Variants in PLCD3 observed in about 807,000 individuals in gnomAD.
The protein encoded by PLCD3 is 1-phosphatidylinositol 4,5-bisphosphate phosphodiesterase delta-3.
In PLCD3, 62 loss-of-function variants were observed where a neutral mutation model predicts 82.8. That is an observed-to-expected ratio of 0.75 (90% confidence interval 0.61 to 0.93). The LOEUF (loss-of-function observed/expected upper bound fraction) is 0.93, where lower values mean the gene tolerates loss of function less well. Among genes scored for constraint, PLCD3 ranks in the 40% least tolerant of loss-of-function variants. PLCD3 has a pLI of 0.00. For synonymous variants in PLCD3, 478 were observed against 471.8 expected, an observed-to-expected ratio of 1.01 and a Z score of -0.17; for missense variants, 1,023 against 1,103.4, an observed-to-expected ratio of 0.93 and a Z score of 1.03.
At chr17:45,130,293 G>T (rs2054409836) in intron 1 of PLCD3, among the ~76,000 whole-genome samples, 1 of 152,100 alleles carries the variant, frequency 6.6e-6, no homozygotes, top group African/African-American at 2.4e-5. Flanking sequence ...CCGAGGCCCG[G>T]GCTCAGCTGT....
At chr17:45,126,580 G>A (rs899755016) in intron 1 of PLCD3, among the ~76,000 whole-genome samples, 1 of 151,928 alleles carries the variant, frequency 6.6e-6, no homozygotes, top group Non-Finnish European at 1.5e-5. Flanking sequence ...TAGGATTACA[G>A]GCGTGAGCCA....
In PLCD3 at chr17:45,121,593, C is replaced by G. The variant is rs190208956; in HGVS notation, c.164-221G>C. Among the ~76,000 whole-genome samples the G allele has an allele frequency of 2.6e-4, 39 of 152,326 alleles. No individual in the cohort carries two copies. The East Asian group carries it at 7.5e-3, about 29-fold the overall frequency. On this transcript the variant is annotated intron_variant, in intron 1 of 14. Transcript: ENST00000619929. ...AGGCTTTGGAGCCCTAAACGCCCCC[C>G]AACCCGTACCCCATCTCCCTCCTTC...
intron 8 of PLCD3, 69 bp downstream of exon 8, chr17:45,116,563 C>T (rs937773204): frequency 4.2e-6 from 6 of 1,443,200 alleles, no homozygotes; most frequent in Admixed American, 2.5e-5. Context: ...AGAGGTGGCA[C>T]GAGCAGTGCG....
intron 8 of PLCD3, among the ~76,000 whole-genome samples, chr17:45,115,782 T>C (rs1267737426): frequency 6.6e-6 from 1 of 152,244 alleles, no homozygotes; most frequent in Non-Finnish European, 1.5e-5. Context: ...AAGAAGATCT[T>C]ACGTGGAAGA....
chr17:45,113,212 G>A lies in PLCD3; in HGVS notation c.2041C>T (p.His681Tyr), dbSNP rs2054262683. Residue 681 changes from histidine to tyrosine, a missense_variant, in exon 13 of 15, where the codon CAC becomes TAC. Physicochemically the swap from His to Tyr is moderately conservative, Grantham distance 83. Coordinates refer to ENST00000619929, the MANE Select transcript of PLCD3 (RefSeq NM_133373.5). ...QLPKLNAEKP[H>Y]SIVDPLVRIE... ...CGCACCAGGGGGTCCACAATGGAGT[G>A]TGGCTTCTCGGCATTCAGCTTGGGC... is the stretch of plus-strand genomic sequence containing the variant. The A allele has an allele frequency of 1.9e-6, 3 of 1,610,738 alleles. No homozygotes were observed. The East Asian group carries it at 6.7e-5, about 36-fold the overall frequency.
chr17:45,126,496 T>C (rs954982967), intron 1 of PLCD3, among the ~76,000 whole-genome samples: 1 of 150,518 alleles, frequency 6.6e-6, no homozygotes, highest in Non-Finnish European at 1.5e-5. Flanking sequence ...AGAGATGGGG[T>C]TTCACCATGT....
chr17:45,131,077 G>A (rs938726842), intron 1 of PLCD3, among the ~76,000 whole-genome samples: 1 of 152,256 alleles, frequency 6.6e-6, no homozygotes, highest in African/African-American at 2.4e-5. Flanking sequence ...CCGCATAAGT[G>A]CTTGTCCAAT....
In PLCD3 at chr17:45,115,348, C is replaced by T. The variant is rs377736692; in HGVS notation, c.1556G>A (p.Arg519Gln). 13 of 1,547,888 alleles carry T rather than the reference C, an allele frequency of 8.4e-6. No homozygotes were observed. The highest frequency in any genetic ancestry group is 1.0e-5 in the Non-Finnish European group (12 of 1,145,910). ...EEEVEAAAQR[R>Q]LAKQISPELS... Reference sequence around the variant, plus strand: ...CCCACCCATCCCAGCTCTCACCAGCCGCCTCTGCGCTGCAGCCTCCACCTC... The same window carrying T: ...CCCACCCATCCCAGCTCTCACCAGCTGCCTCTGCGCTGCAGCCTCCACCTC... The change falls in exon 9 of 15, where the codon CGG (arginine) becomes CAG (glutamine). Residue 519 changes from arginine (R) to glutamine (Q), a missense_variant. This residue lies in a region of PLCD3 where 553 missense variants were observed against 655.7 expected (regional missense o/e 0.84). Transcript: ENST00000619929.
At position 45,132,108 on chromosome 17, in the gene PLCD3, G is replaced by A; in HGVS notation, c.163+140C>T. ...CCCCAGGTGCGACCCCCAGCTGGAG[G>A]GAGCTGGCCCTCCGCCCCTAGCCAT... On this transcript the variant is annotated intron_variant, in intron 1 of 14. Coordinates refer to ENST00000619929, the MANE Select transcript of PLCD3 (RefSeq NM_133373.5). This position sits in a 1 kb window ranked among gnomAD's most constrained non-coding sequence, Gnocchi z 4.6. The A allele has an allele frequency of 1.1e-6, 1 of 949,976 alleles. No homozygotes were observed. Among genetic ancestry groups the A allele is most frequent in the Non-Finnish European group, 1.4e-6 (1 of 732,014 alleles). 58.8% of individuals were successfully genotyped at this position (949,976 alleles called of 1,614,324 possible). A position where few individuals can be genotyped will look rare whatever the true frequency, so the allele number is the denominator to read the frequency against.
At chr17:45,114,215 C>G (rs180931633) in intron 11 of PLCD3, 35 bp downstream of exon 11, 3 of 1,480,378 alleles carry the variant, frequency 2.0e-6, no homozygotes, top group Non-Finnish European at 2.7e-6. Context: ...CACTGTGGCA[C>G]CCCGCCTGCT....
At position 45,112,671 on chromosome 17, in the gene PLCD3, C is replaced by T; in HGVS notation, c.2315G>A (p.Gly772Glu). Residue 772 changes from glycine (G) to glutamate (E), a missense_variant, in exon 15 of 15, where the codon GGG (glycine) becomes GAG (glutamate). By Grantham distance (98) the Gly-to-Glu change is moderately conservative. Transcript: ENST00000619929. The part of the protein sequence containing the change: ...YRHIHLLSKD[G>E]ASLSPATLFI... ...GAGCGTGGCTGGTGACAGTGAGGCC[C>T]CGTCCTTGGAAAGCAGGTGTATGTG... 1 of 1,606,996 alleles carries T rather than the reference C, an allele frequency of 6.2e-7. No individual in the cohort carries two copies. Among genetic ancestry groups the T allele is most frequent in the Non-Finnish European group, 8.5e-7 (1 of 1,177,098 alleles).
chr17:45,115,171 G>T lies in PLCD3; in HGVS notation c.1634C>A (p.Pro545His). 1 of 1,596,164 alleles carries T rather than the reference G, an allele frequency of 6.3e-7. No homozygotes were observed. Among genetic ancestry groups the T allele is most frequent in the Non-Finnish European group, 8.5e-7 (1 of 1,171,524 alleles). Residue 545 changes from proline (P) to histidine (H), a missense_variant, in exon 10 of 15, where the codon CCT (proline) becomes CAT (histidine). Physicochemically the swap from Pro to His is moderately conservative, Grantham distance 77. Transcript: ENST00000619929. ...CHATRLRTLH[P>H]APNAPQPCQV... ...GCAGGGTTGTGGGGCGTTGGGGGCA[G>T]GGTGCAGGGTCCGCAGGCGGGTGGC...
At chr17:45,117,529 C>G (rs948397751) in intron 7 of PLCD3, among the ~76,000 whole-genome samples, 1 of 152,214 alleles carries the variant, frequency 6.6e-6, no homozygotes, top group African/African-American at 2.4e-5. Flanking sequence ...TGTGAGCCAC[C>G]GCACCTGGTC....
rs908032564 is a variant in PLCD3, at chr17:45,114,460, G to A, written c.1712-94C>T. Reference sequence around the variant, plus strand: ...CCTCCAGGGAACAGAGCCCAAGCCCGTCCCCAGGTCACCCTGCCCCCGCTC... The same window carrying A: ...CCTCCAGGGAACAGAGCCCAAGCCCATCCCCAGGTCACCCTGCCCCCGCTC... On this transcript the variant is annotated intron_variant, in intron 10 of 14. Coordinates refer to ENST00000619929, the MANE Select transcript of PLCD3 (RefSeq NM_133373.5). 9.6e-6 allele frequency: 9 copies of A among 938,414 alleles called. No individual in the cohort carries two copies. The Admixed American group carries it at 9.6e-5, about 10-fold the overall frequency. 58.1% of individuals were successfully genotyped at this position (938,414 alleles called of 1,614,324 possible). A position where few individuals can be genotyped will look rare whatever the true frequency, so the allele number is the denominator to read the frequency against.
rs1352282131 is a variant in PLCD3, at chr17:45,113,032, G to A, written c.2132-20C>T. 1.9e-6 allele frequency: 3 copies of A among 1,601,536 alleles called. No homozygotes were observed. Among genetic ancestry groups the A allele is most frequent in the South Asian group, 1.1e-5 (1 of 89,466 alleles). On this transcript the variant is annotated intron_variant, in intron 13 of 14. Transcript: ENST00000619929. The stretch of plus-strand genomic sequence containing the variant: ...TGAAGCCTAGGGCACAGGGATGGCA[G>A]TCAGAGCCCAGGGGCCCCAGGACCC...
At chr17:45,120,270 G>A (rs2054325395) in intron 4 of PLCD3, 55 bp downstream of exon 4, 1 of 1,609,648 alleles carries the variant, frequency 6.2e-7, no homozygotes, top group African/African-American at 1.3e-5. Context: ...CTGGGGGCAG[G>A]CAGAGGTCAG....
In PLCD3 at chr17:45,118,839, G is replaced by T; in HGVS notation, c.889C>A (p.Gln297Lys). 6.2e-7 allele frequency: 1 copy of T among 1,610,772 alleles called. No homozygotes were observed. Among genetic ancestry groups the T allele is most frequent in the Non-Finnish European group, 8.5e-7 (1 of 1,179,234 alleles). Residue 297 changes from glutamine to lysine, a missense_variant, in exon 5 of 15, where the codon CAG becomes AAG. Gln to Lys is a moderately conservative substitution (Grantham distance 53). Coordinates refer to ENST00000619929, the MANE Select transcript of PLCD3 (RefSeq NM_133373.5). The surrounding 1 kb of genome is among the most constrained non-coding windows in gnomAD (Gnocchi z 4.1). ...ATLARAQQLI[Q>K]TYELNETAKQ... The stretch of plus-strand genomic sequence containing the variant: ...CCTGTCTCGTTGAGCTCATAGGTCT[G>T]AATGAGCTGCTGGGCGCGGGCCAGT...
In PLCD3 at chr17:45,113,503, C is replaced by T. The variant is rs540335039; in HGVS notation, c.1931G>A (p.Arg644Gln). The change falls in exon 12 of 15, where the codon CGG becomes CAG. Residue 644 changes from arginine (R) to glutamine (Q), a missense_variant. Physicochemically the swap from Arg to Gln is conservative, Grantham distance 43 (BLOSUM62 1). Around this residue, in one of 3 missense-constraint regions of PLCD3, gnomAD observed 553 missense variants for 655.7 expected, o/e 0.84. Transcript: ENST00000619929. ...GGGGTCAAAGGTCGAGTCAGGTTGC[C>T]GCAGGCAGGCAGGTTTTAGGACGTA... ...CGYVLKPACLRQPDSTFDPEY... is the reference protein window; with the variant it reads ...CGYVLKPACLQQPDSTFDPEY... 3.5e-5 allele frequency: 56 copies of T among 1,587,624 alleles called. No homozygotes were observed. The highest frequency in any genetic ancestry group is 1.7e-4 in the Middle Eastern group (1 of 6,040).
chr17:45,118,129 G>A lies in PLCD3; in HGVS notation c.1125C>T (p.Ala375=). 1.9e-6 allele frequency: 3 copies of A among 1,613,966 alleles called. No individual in the cohort carries two copies. The highest frequency in any genetic ancestry group is 2.2e-5 in the South Asian group (2 of 91,082). Residue 375 remains alanine, a synonymous_variant, in exon 7 of 15, where the codon GCC becomes GCT. Coordinates refer to ENST00000619929, the MANE Select transcript of PLCD3 (RefSeq NM_133373.5). This position sits in a 1 kb window ranked among gnomAD's most constrained non-coding sequence, Gnocchi z 4.1. ...SSTEAYVRAF[A]QGCRCVELDC... is the part of the protein sequence containing the mutation. ...CCAGCTCCACGCAGCGGCATCCCTG[G>A]GCAAAGGCCCTGTGTGTGGACAGAT... is the stretch of plus-strand genomic sequence containing the variant.
Sources: allele counts gnomAD v4.1 joint callset (sites outside exome capture counted in the v4.1 genomes callset), GRCh38; gene constraint gnomAD v4.1.1; regional missense constraint gnomAD v4.1.1; non-coding constraint Gnocchi (gnomAD v3.1); transcripts MANE v1.5; gene names NCBI Gene and HGNC (gene_info 2026-07-23, HGNC 2026-07-21).